PLEKHA7: variants seen among roughly 807,000 people sequenced by gnomAD.
PLEKHA7 encodes pleckstrin homology domain-containing family A member 7.
In PLEKHA7, 104 loss-of-function variants were observed where a neutral mutation model predicts 170.0. The observed-to-expected ratio is 0.61, with a 90% CI of 0.52 to 0.72. The LOEUF (loss-of-function observed/expected upper bound fraction) is 0.72, where lower values mean the gene tolerates loss of function less well. PLEKHA7 is among the 30% of genes least tolerant of loss of function. The probability of loss-of-function intolerance (pLI) is 0.00; values close to 1 mark genes in which losing one functional copy is unlikely to be tolerated. For missense variants in PLEKHA7, 1,615 were observed against 1,671.7 expected, an observed-to-expected ratio of 0.97 and a Z score of 0.59; for synonymous variants, 648 against 660.8, an observed-to-expected ratio of 0.98 and a Z score of 0.30.
intron 3 of PLEKHA7, among the ~76,000 whole-genome samples, chr11:16,942,243 TC>T (rs1415840635): frequency 6.6e-6 from 1 of 152,020 alleles, no homozygotes; most frequent in African/African-American, 2.4e-5. Flanking sequence ...ACCAATCCAT[TC>T]CCTTAGAACA....
chr11:16,885,038 T>C (rs576926001), intron 3 of PLEKHA7, among the ~76,000 whole-genome samples: 1 of 152,336 alleles, frequency 6.6e-6, no homozygotes, highest in South Asian at 2.1e-4. Context: ...AGAAGATCTG[T>C]TTTAAGAAAT....
At chr11:16,871,245 G>T in intron 3 of PLEKHA7, 63 bp from the exon 4 acceptor site, 2 of 1,322,462 alleles carry the variant, frequency 1.5e-6, no homozygotes, top group Non-Finnish European at 2.2e-6. Context: ...AGACACGACA[G>T]GTCAGTCAGC....
At chr11:16,786,485 T>C in intron 23 of PLEKHA7, 98 bp from the exon 24 acceptor site, 1 of 1,508,892 alleles carries the variant, frequency 6.6e-7, no homozygotes, top group South Asian at 1.3e-5. Flanking sequence ...AAGATGAACC[T>C]GTGATCCCCT....
chr11:16,995,655 T>C (rs1864298019), intron 3 of PLEKHA7, among the ~76,000 whole-genome samples: 1 of 152,090 alleles, frequency 6.6e-6, no homozygotes, highest in Non-Finnish European at 1.5e-5. Context: ...AAATATGATG[T>C]CAGGTAAATG....
Position 16,816,241 on chromosome 11 carries a change from G to T in PLEKHA7, c.1890C>A (p.Arg630=), listed in dbSNP as rs217750. 1 of 1,613,214 alleles carries T rather than the reference G, an allele frequency of 6.2e-7. No homozygotes were observed. The highest frequency in any genetic ancestry group is 1.1e-5 in the South Asian group (1 of 91,068). ...TCATGTAACCCATGGAGGGCATGGAGCGTCGGTCCACATGAGATGAGTTCT... is the reference window on the plus strand; with the variant it reads ...TCATGTAACCCATGGAGGGCATGGATCGTCGGTCCACATGAGATGAGTTCT... The part of the protein sequence containing the change: ...AVKNSSHVDR[R]SMPSMGYMTH... Residue 630 remains arginine, a synonymous_variant, in exon 12 of 27, where the codon CGC becomes CGA. Coordinates refer to ENST00000531066, the MANE Select transcript of PLEKHA7 (RefSeq NM_001329630.2).
At position 16,859,792 on chromosome 11, in the gene PLEKHA7, T is replaced by C. The variant is rs371019496; in HGVS notation, c.306-3878A>G. Among the ~76,000 whole-genome samples the C allele has an allele frequency of 8.5e-5, 13 of 152,312 alleles. No homozygotes were observed. The East Asian group carries it at 1.4e-3, about 16-fold the overall frequency. On this transcript the variant is annotated intron_variant, in intron 4 of 26. Coordinates refer to ENST00000531066, the MANE Select transcript of PLEKHA7 (RefSeq NM_001329630.2). The stretch of plus-strand genomic sequence containing the variant: ...CCTGTGCCCCCGAGCTGAGCAACCT[T>C]GAAAGGCATTCAGTTCCCAGCAGCA...
intron 1 of PLEKHA7, 29 bp from the exon 2 acceptor site, chr11:17,014,230 G>A (rs1196267058): frequency 1.4e-6 from 2 of 1,463,948 alleles, no homozygotes; most frequent in Non-Finnish European, 1.8e-6. Flanking sequence ...ACCTGTTAGC[G>A]CCGCCACAGC....
At chr11:16,976,489 C>T (rs550887678) in intron 3 of PLEKHA7, among the ~76,000 whole-genome samples, 3 of 152,316 alleles carry the variant, frequency 2.0e-5, no homozygotes, top group East Asian at 1.9e-4. Flanking sequence ...CGGTGTGGTA[C>T]GGGGCCAGAA....
At position 16,826,279 on chromosome 11, in the gene PLEKHA7, C is replaced by T. The variant is rs576325466; in HGVS notation, c.1184G>A (p.Gly395Glu). 7.1e-5 allele frequency: 115 copies of T among 1,614,114 alleles called. No homozygotes were observed. Among genetic ancestry groups the T allele is most frequent in the Non-Finnish European group, 9.2e-5 (109 of 1,180,044 alleles). The part of the protein sequence containing the change: ...QAQPQRAEKN[G>E]MLPASYGPGE... The stretch of plus-strand genomic sequence containing the variant: ...TGGGCCATATGAGGCAGGCAGCATT[C>T]CATTCTTCTCTGCCCGTTGGGGCTG... Residue 395 changes from glycine (G) to glutamate (E), a missense_variant, in exon 10 of 27, where the codon GGA (glycine) becomes GAA (glutamate). Physicochemically the swap from Gly to Glu is moderately conservative, Grantham distance 98 (BLOSUM62 -2). Transcript: ENST00000531066.
chr11:16,888,392 T>C (rs1453962580), intron 3 of PLEKHA7, among the ~76,000 whole-genome samples: 2 of 152,262 alleles, frequency 1.3e-5, no homozygotes, highest in Non-Finnish European at 2.9e-5. Context: ...GGCGGTTTTG[T>C]TGAGTAGACG....
At position 16,841,662 on chromosome 11, in the gene PLEKHA7, C is replaced by T. The variant is rs201981994; in HGVS notation, c.757G>A (p.Glu253Lys). 4.3e-6 allele frequency: 7 copies of T among 1,614,170 alleles called. No homozygotes were observed. Among genetic ancestry groups the T allele is most frequent in the East Asian group, 2.2e-5 (1 of 44,882 alleles). The change falls in exon 9 of 27, where the codon GAG becomes AAG. Residue 253 changes from glutamate (E) to lysine (K), a missense_variant. Physicochemically the swap from Glu to Lys is moderately conservative, Grantham distance 56. Transcript: ENST00000531066. ...YNSSTAGSQA[E>K]QSGMRTYYFS... The stretch of plus-strand genomic sequence containing the variant: ...TAGTAGGTCCTCATGCCTGACTGCT[C>T]GGCCTGAGAGCCCGCTGTGGAGCTG...
At chr11:16,865,039 ATAGGGCTTC>A (rs1298751827) in intron 4 of PLEKHA7, among the ~76,000 whole-genome samples, 2 of 152,150 alleles carry the variant, frequency 1.3e-5, no homozygotes, top group African/African-American at 4.8e-5. Flanking sequence ...AGGTCACAGG[ATAGGGCTTC>A]TAGAACCCTC....
intron 3 of PLEKHA7, among the ~76,000 whole-genome samples, chr11:16,917,403 A>G (rs1188074892): frequency 2.6e-5 from 4 of 152,182 alleles, no homozygotes; most frequent in Non-Finnish European, 5.9e-5. Context: ...CAAATTTATC[A>G]TCCTAAGGTT....
chr11:16,824,207 T>C (rs11024046), intron 10 of PLEKHA7, among the ~76,000 whole-genome samples: 47,463 of 152,022 alleles, frequency 0.31, 8,060 homozygotes, highest in Non-Finnish European at 0.39. Flanking sequence ...AACAGGATGA[T>C]TATAGTCAAC....
rs142572545 is a variant in PLEKHA7 at position 16,885,329 on chromosome 11, C to CA, written c.222-14148dup. Among the ~76,000 whole-genome samples the CA allele has an allele frequency of 4.7e-3, 564 of 119,256 alleles. 2 individuals are homozygous for CA. Among genetic ancestry groups the CA allele is most frequent in the East Asian group, 0.018 (72 of 4,008 alleles). The allele number at this position is 119,256 out of a possible 152,430, so 78.2% of individuals were successfully genotyped here. A position where few individuals can be genotyped will look rare whatever the true frequency, so the allele number is the denominator to read the frequency against. On this transcript the variant is annotated intron_variant, in intron 3 of 26. Transcript: ENST00000531066. Reference sequence around the variant, plus strand: ...TGGGCGACAGAGTGAGACTCCATCTCAAAAAAAAAAAAAAAATTCATATGT... The same window carrying CA: ...TGGGCGACAGAGTGAGACTCCATCTCAAAAAAAAAAAAAAAAATTCATATGT...
rs550919197 is a variant in PLEKHA7 at position 16,871,170 on chromosome 11, C to A, written c.234G>T (p.Gln78His). 6.2e-7 allele frequency: 1 copy of A among 1,608,190 alleles called. No homozygotes were observed. Among genetic ancestry groups the A allele is most frequent in the Admixed American group, 1.7e-5 (1 of 59,988 alleles). ...TCACAGGATGCCTGAATGCTGTGGTCTGCTGGTTATGGCTAAAGAGAAAGA... is the reference window on the plus strand; with the variant it reads ...TCACAGGATGCCTGAATGCTGTGGTATGCTGGTTATGGCTAAAGAGAAAGA... ...GASYFIDHNQQTTAFRHPVTG... is the reference protein window; with the variant it reads ...GASYFIDHNQHTTAFRHPVTG... Residue 78 changes from glutamine to histidine, a missense_variant, in exon 4 of 27, where the codon CAG becomes CAT. By Grantham distance (24) the Gln-to-His change is conservative. Coordinates refer to ENST00000531066, the MANE Select transcript of PLEKHA7 (RefSeq NM_001329630.2).
At chr11:16,929,069 G>A (rs1859752241) in intron 3 of PLEKHA7, among the ~76,000 whole-genome samples, 1 of 152,052 alleles carries the variant, frequency 6.6e-6, no homozygotes, top group South Asian at 2.1e-4. Flanking sequence ...ATAAAATGCT[G>A]CTTAAAAACA....
intron 10 of PLEKHA7, among the ~76,000 whole-genome samples, chr11:16,822,572 C>T (rs947394394): frequency 1.3e-5 from 2 of 151,692 alleles, no homozygotes; most frequent in African/African-American, 2.4e-5. Context: ...CCTGCAGCAC[C>T]GTGCACTGCT....
chr11:16,817,370 G>A lies in PLEKHA7; in HGVS notation c.1344-48C>T. On this transcript the variant is annotated intron_variant, in intron 10 of 26. Transcript: ENST00000531066. This position sits in a 1 kb window ranked among gnomAD's most constrained non-coding sequence, Gnocchi z 4.4. ...GGTCAGGCAACCAAGCGAGGGTTCT[G>A]CAGGCTTTGGGGAACATATCTAAGT... 3 of 1,531,184 alleles carry A rather than the reference G, an allele frequency of 2.0e-6. No homozygotes were observed. The highest frequency in any genetic ancestry group is 3.7e-5 in the Admixed American group (2 of 53,734). 94.8% of individuals were successfully genotyped at this position (1,531,184 alleles called of 1,614,324 possible).
Sources: allele counts gnomAD v4.1 joint callset (sites outside exome capture counted in the v4.1 genomes callset), GRCh38; gene constraint gnomAD v4.1.1; non-coding constraint Gnocchi (gnomAD v3.1); transcripts MANE v1.5; gene names NCBI Gene and HGNC (gene_info 2026-07-23, HGNC 2026-07-21).